SNX9: variants seen among roughly 807,000 people sequenced by gnomAD.
The protein encoded by SNX9 is sorting nexin 9, also known as sorting nexin-9.
SNX9 carries 44 observed loss-of-function variants against 89.4 expected under a neutral mutation model. That is an observed-to-expected ratio of 0.49 (90% CI 0.39 to 0.63). SNX9 has a LOEUF of 0.63. SNX9 is among the 30% of genes least tolerant of loss of function. The pLI, the probability that SNX9 is intolerant of heterozygous loss-of-function variation, is 0.00. For missense variants in SNX9, 578 were observed against 736.1 expected (o/e 0.79, Z 2.49); for synonymous variants, 236 against 247.8 (o/e 0.95, Z 0.45).
At chr6:157,921,690 A>G in intron 10 of SNX9, 29 bp downstream of exon 10, 1 of 1,601,368 alleles carries the variant, frequency 6.2e-7, no homozygotes, top group Non-Finnish European at 8.5e-7. Context: ...ATGGCATCAG[A>G]GAATATTGAG....
At chr6:157,844,634 C>T (rs1781769801) in intron 1 of SNX9, among the ~76,000 whole-genome samples, 1 of 140,728 alleles carries the variant, frequency 7.1e-6, no homozygotes, top group African/African-American at 2.7e-5. Context: ...CACTCTGTTG[C>T]CCAGGCTGGA....
intron 15 of SNX9, 39 bp downstream of exon 15, chr6:157,937,562 G>A: frequency 7.0e-6 from 10 of 1,424,476 alleles, no homozygotes; most frequent in Non-Finnish European, 8.9e-6. Context: ...ACAACAGCAG[G>A]TGAAGGAGGC....
At chr6:157,895,455 G>A (rs1001048627) in intron 4 of SNX9, among the ~76,000 whole-genome samples, 5 of 152,030 alleles carry the variant, frequency 3.3e-5, no homozygotes, top group Admixed American at 6.5e-5. Flanking sequence ...TGGTCTGTCC[G>A]ATCACATGGT....
intron 5 of SNX9, among the ~76,000 whole-genome samples, chr6:157,901,422 C>T (rs1256072950): frequency 1.3e-5 from 2 of 152,188 alleles, no homozygotes; most frequent in Non-Finnish European, 2.9e-5. Context: ...CCAAGGCCAG[C>T]GCCAAGGAGC....
At chr6:157,844,537 C>T (rs1174018708) in intron 1 of SNX9, among the ~76,000 whole-genome samples, 1 of 151,832 alleles carries the variant, frequency 6.6e-6, no homozygotes, top group Non-Finnish European at 1.5e-5. Flanking sequence ...CTTGTAGCCT[C>T]CAGCTACATG....
rs73573849 is a variant in SNX9, at chr6:157,867,442, A to G, written c.13-105A>G. The G allele has an allele frequency of 5.7e-3, 4,766 of 837,546 alleles. 131 individuals carry two copies. The African/African-American group carries it at 0.071, about 12-fold the overall frequency. 51.9% of individuals were successfully genotyped at this position (837,546 alleles called of 1,614,324 possible). A position where few individuals can be genotyped will look rare whatever the true frequency, so the allele number is the denominator to read the frequency against. On this transcript the variant is annotated intron_variant, in intron 1 of 17. Transcript: ENST00000392185. ...TTCTTCCAAAACAGCCACAGCCACT[A>G]TCATGTTTGTACCAGCATGCTTAGA... is the stretch of plus-strand genomic sequence containing the variant.
chr6:157,922,032 G>A (rs989725581), intron 10 of SNX9, among the ~76,000 whole-genome samples: 4 of 152,190 alleles, frequency 2.6e-5, no homozygotes, highest in South Asian at 2.1e-4. Context: ...TCCCGATCAC[G>A]TTGCCCTTAC....
intron 1 of SNX9, among the ~76,000 whole-genome samples, chr6:157,865,607 A>T (rs1782245618): frequency 6.6e-6 from 1 of 152,200 alleles, no homozygotes. Flanking sequence ...GAAATTTCAG[A>T]CATGGAGAAA....
rs2115158017 is a variant in SNX9 at position 157,891,114 on chromosome 6, C to T, written c.301-5713C>T. Among the ~76,000 whole-genome samples, 2 of 149,948 alleles carry T rather than the reference C, an allele frequency of 1.3e-5. 1 individual carries two copies. Among genetic ancestry groups the T allele is most frequent in the South Asian group, 4.2e-4 (2 of 4,708 alleles). ...TGGTGTGAACTCGGCTCACTGCAAC[C>T]TCCGCCTTCCAGGTTCAAGCGATTC... On this transcript the variant is annotated intron_variant, in intron 4 of 17. Coordinates refer to ENST00000392185, the MANE Select transcript of SNX9 (RefSeq NM_016224.5).
intron 15 of SNX9, 68 bp downstream of exon 15, chr6:157,937,591 G>A: frequency 1.3e-5 from 14 of 1,045,082 alleles, no homozygotes; most frequent in Non-Finnish European, 2.1e-5. Flanking sequence ...GCAGTAGTCA[G>A]TATTGGTTTT....
chr6:157,910,975 T>G (rs1386970363), intron 9 of SNX9, among the ~76,000 whole-genome samples: 1 of 152,060 alleles, frequency 6.6e-6, no homozygotes, highest in Non-Finnish European at 1.5e-5. Context: ...TAGCCCGGTG[T>G]GGTGGTGTGC....
rs1338427610 is a variant in SNX9 at position 157,833,061 on chromosome 6, G to A, written c.12+9615G>A. On this transcript the variant is annotated intron_variant, in intron 1 of 17. Coordinates refer to ENST00000392185, the MANE Select transcript of SNX9 (RefSeq NM_016224.5). ...GGAATAAAGATTTGGATCCTCCCTA[G>A]GACAGTTGACATTCAGATATTAATG... Among the ~76,000 whole-genome samples the A allele has an allele frequency of 2.6e-5, 4 of 152,206 alleles. No homozygotes were observed. The East Asian group carries it at 5.8e-4, about 22-fold the overall frequency.
chr6:157,934,924 C>T (rs556789550), intron 13 of SNX9, among the ~76,000 whole-genome samples: 6 of 152,106 alleles, frequency 3.9e-5, no homozygotes, highest in Admixed American at 2.6e-4. Flanking sequence ...GGGTTCCTAT[C>T]AAAAGACTTA....
intron 1 of SNX9, among the ~76,000 whole-genome samples, chr6:157,839,270 T>C (rs1482335946): frequency 2.0e-5 from 3 of 152,246 alleles, no homozygotes. Flanking sequence ...TCATTATAGC[T>C]GTTACATAAA....
chr6:157,927,243 TCTC>T (rs1305766837), intron 11 of SNX9, 29 bp downstream of exon 11: 1 of 1,510,044 alleles, frequency 6.6e-7, no homozygotes, highest in African/African-American at 1.4e-5. Flanking sequence ...TTTTCTTTCT[TCTC>T]AATCCGCACC....
intron 1 of SNX9, among the ~76,000 whole-genome samples, chr6:157,831,427 T>C (rs1191064715): frequency 6.6e-6 from 1 of 152,254 alleles, no homozygotes; most frequent in Non-Finnish European, 1.5e-5. Context: ...GGACCTGGCA[T>C]CTCAGGAGAA....
chr6:157,900,474 C>A (rs77559877), intron 5 of SNX9, among the ~76,000 whole-genome samples: 38,953 of 151,868 alleles, frequency 0.26, 5,368 homozygotes, highest in African/African-American at 0.35. Context: ...GCGGATCGGC[C>A]CGTTGAGAAA....
At chr6:157,899,356 A>G (rs969680124) in intron 5 of SNX9, among the ~76,000 whole-genome samples, 6 of 152,108 alleles carry the variant, frequency 3.9e-5, no homozygotes, top group South Asian at 2.1e-4. Context: ...ATTAAAGGGT[A>G]TTCTGCTTAT....
chr6:157,917,319 A>G (rs970003681), intron 9 of SNX9, among the ~76,000 whole-genome samples: 12 of 149,282 alleles, frequency 8.0e-5, no homozygotes, highest in Admixed American at 4.7e-4. Context: ...CTCTTTTATC[A>G]TTTCTATCGC....
Sources: gnomAD v4.1 joint callset for allele counts (sites outside exome capture counted in the v4.1 genomes callset) on GRCh38, gnomAD v4.1.1 for gene constraint, MANE v1.5 for transcripts, NCBI Gene and HGNC (gene_info 2026-07-23, HGNC 2026-07-21) for gene names.